The following VPS53 variants were observed in gnomAD, a reference collection of about 807,000 sequenced individuals.
VPS53 encodes VPS53 subunit of GARP complex, also known as vacuolar protein sorting-associated protein 53 homolog.
In VPS53, 70 loss-of-function variants were observed where a neutral mutation model predicts 107.0. The ratio of observed to expected loss-of-function variants is 0.65; its 90% CI spans 0.54 to 0.80. The LOEUF is 0.80. Ranked by LOEUF, VPS53 falls within the 30% of genes least tolerant of loss-of-function variation. The pLI is 0.00. For synonymous variants in VPS53, 409 were observed against 393.3 expected (o/e 1.04, Z -0.47); for missense variants, 917 against 1,049.4 (o/e 0.87, Z 1.74).
At chr17:548,250 G>A (rs1437223656) in intron 17 of VPS53, among the ~76,000 whole-genome samples, 2 of 152,234 alleles carry the variant, frequency 1.3e-5, no homozygotes, top group Non-Finnish European at 2.9e-5. Flanking sequence ...CCTTCCATGA[G>A]AATGAGGTCT....
chr17:568,548 T>C (rs757485032), intron 13 of VPS53, among the ~76,000 whole-genome samples: 2 of 152,114 alleles, frequency 1.3e-5, no homozygotes, highest in Non-Finnish European at 2.9e-5. Context: ...TGCCCGACCC[T>C]AGAGCTTCTT....
intron 17 of VPS53, chr17:538,141 C>G: frequency 6.6e-6 from 1 of 152,296 alleles, no homozygotes; most frequent in Non-Finnish European, 1.5e-5. Flanking sequence ...TGGCACTTGG[C>G]AACATTGAGT....
chr17:568,419 CT>C (rs34481191), intron 13 of VPS53, among the ~76,000 whole-genome samples: 7 of 150,856 alleles, frequency 4.6e-5, no homozygotes, highest in Non-Finnish European at 8.9e-5. Context: ...TTTTTGTGGG[CT>C]TTTTTTTGTA....
At chr17:540,362 T>TA (rs1246331592) in intron 17 of VPS53, 1 of 152,000 alleles carries the variant, frequency 6.6e-6, no homozygotes, top group East Asian at 1.9e-4. Context: ...TAAAAAAATA[T>TA]ATTTTTTTCT....
At chr17:696,443 A>G (rs1379967295) in intron 4 of VPS53, among the ~76,000 whole-genome samples, 1 of 152,188 alleles carries the variant, frequency 6.6e-6, no homozygotes, top group Non-Finnish European at 1.5e-5. Flanking sequence ...AAAAAATGTC[A>G]AAGAGGAGAA....
At chr17:686,993 A>C (rs1054461425) in intron 4 of VPS53, among the ~76,000 whole-genome samples, 6 of 152,108 alleles carry the variant, frequency 3.9e-5, no homozygotes, top group Admixed American at 3.9e-4. Flanking sequence ...CAATACTTAA[A>C]AATTACATTA....
At chr17:615,316 C>T (rs1271425512) in intron 11 of VPS53, among the ~76,000 whole-genome samples, 1 of 152,200 alleles carries the variant, frequency 6.6e-6, no homozygotes, top group Non-Finnish European at 1.5e-5. Context: ...ATGTTGAAGT[C>T]ACAGCTCTTG....
chr17:710,460 G>T, intron 2 of VPS53, 73 bp downstream of exon 2: 1 of 1,187,242 alleles, frequency 8.4e-7, no homozygotes, highest in Non-Finnish European at 1.3e-6. Context: ...ATGATCTAGT[G>T]TAACACACGA....
intron 2 of VPS53, among the ~76,000 whole-genome samples, chr17:709,736 G>C (rs1448113915): frequency 6.6e-6 from 1 of 152,168 alleles, no homozygotes; most frequent in Non-Finnish European, 1.5e-5. Context: ...TCCCAACTCT[G>C]CTACTTCCAG....
Position 560,504 on chromosome 17 carries a change from G to T in VPS53, c.1626C>A (p.Ala542=). 6.2e-7 allele frequency: 1 copy of T among 1,613,768 alleles called. No homozygotes were observed. The highest frequency in any genetic ancestry group is 2.2e-5 in the East Asian group (1 of 44,882). The stretch of plus-strand genomic sequence containing the variant: ...GGCAGAGCTCCTCCAGAGTGAACTT[G>T]GCTACTTCTGAGCCCTCCTTTTCCT... ...LLKEKEGSEV[A]KFTLEELCLI... Residue 542 remains alanine, a synonymous_variant, in exon 15 of 22, where the codon GCC becomes GCA. Coordinates refer to ENST00000437048, the MANE Select transcript of VPS53 (RefSeq NM_001128159.3).
chr17:528,317 T>C (rs1909271946), intron 19 of VPS53, among the ~76,000 whole-genome samples: 1 of 152,214 alleles, frequency 6.6e-6, no homozygotes, highest in South Asian at 2.1e-4. Context: ...GATTTGCCTG[T>C]TCTGGACATT....
At chr17:619,932 C>T (rs1158615625) in intron 11 of VPS53, among the ~76,000 whole-genome samples, 3 of 145,174 alleles carry the variant, frequency 2.1e-5, no homozygotes, top group African/African-American at 7.7e-5. Context: ...CACCACGCCC[C>T]GCTAGTATTT....
At chr17:564,966 C>T (rs1029264382) in intron 13 of VPS53, among the ~76,000 whole-genome samples, 3 of 151,962 alleles carry the variant, frequency 2.0e-5, no homozygotes, top group Non-Finnish European at 2.9e-5. Context: ...TTTAGGTTGC[C>T]GTTTAAGGCT....
intron 13 of VPS53, among the ~76,000 whole-genome samples, chr17:563,287 CT>C (rs36076034): frequency 0.077 from 7,942 of 103,012 alleles, 106 homozygotes; most frequent in East Asian, 0.22. Context: ...ACTTCATTTC[CT>C]TTTTTTTTTT....
chr17:614,874 T>C (rs1220559415), intron 11 of VPS53, among the ~76,000 whole-genome samples: 1 of 152,208 alleles, frequency 6.6e-6, no homozygotes, highest in Non-Finnish European at 1.5e-5. Context: ...AAAGGCAACT[T>C]ATGCAGTGGT....
chr17:681,098 T>TC (rs1013078769), intron 4 of VPS53, among the ~76,000 whole-genome samples: 5 of 152,174 alleles, frequency 3.3e-5, no homozygotes, highest in Non-Finnish European at 7.3e-5. Context: ...AACTATATTT[T>TC]CCCCCCAGAC....
intron 17 of VPS53, among the ~76,000 whole-genome samples, chr17:539,878 A>G (rs1285623064): frequency 6.6e-6 from 1 of 152,154 alleles, no homozygotes; most frequent in Non-Finnish European, 1.5e-5. Context: ...AAAAAGCTCA[A>G]AGAGATTTGG....
chr17:653,611 T>C (rs374380002), intron 6 of VPS53, among the ~76,000 whole-genome samples: 6 of 152,124 alleles, frequency 3.9e-5, no homozygotes, highest in East Asian at 1.9e-4. Flanking sequence ...CACCATATAG[T>C]AAGGGAGAGA....
chr17:531,176 G>A lies in VPS53; in HGVS notation c.2085+1666C>T, dbSNP rs184119865. Among the ~76,000 whole-genome samples the A allele has an allele frequency of 2.4e-4, 36 of 152,336 alleles. 1 individual carries two copies. The highest frequency in any genetic ancestry group is 8.4e-4 in the African/African-American group (35 of 41,580). On this transcript the variant is annotated intron_variant, in intron 19 of 21. Transcript: ENST00000437048. ...TTTCAAGGCCCAGACATCAGGGCAA[G>A]TACAGGCCCAGCCAAACCTCAACTC...
Sources: gnomAD v4.1 joint callset for allele counts (sites outside exome capture counted in the v4.1 genomes callset) on GRCh38, gnomAD v4.1.1 for gene constraint, MANE v1.5 for transcripts, NCBI Gene and HGNC (gene_info 2026-07-23, HGNC 2026-07-21) for gene names.